Variants in CDK17 observed in about 807,000 individuals in gnomAD.
CDK17 encodes cyclin-dependent kinase 17.
In CDK17, 24 loss-of-function variants were observed where a neutral mutation model predicts 77.6. The observed-to-expected ratio is 0.31, with a 90% CI of 0.22 to 0.44. The LOEUF is 0.44. Ranked by LOEUF, CDK17 falls within the 20% of genes least tolerant of loss-of-function variation. The probability of loss-of-function intolerance (pLI) is 1.00; values close to 1 mark genes in which losing one functional copy is unlikely to be tolerated. For missense variants in CDK17, 429 were observed against 622.5 expected, an observed-to-expected ratio of 0.69 and a Z score of 3.31; for synonymous variants, 203 against 210.4, an observed-to-expected ratio of 0.96 and a Z score of 0.30.
chr12:96,305,620 C>A (rs1952567048), intron 5 of CDK17, among the ~76,000 whole-genome samples: 1 of 152,090 alleles, frequency 6.6e-6, no homozygotes, highest in African/African-American at 2.4e-5. Context: ...AGGGGGACAA[C>A]TTCTCAAGAT....
intron 1 of CDK17, among the ~76,000 whole-genome samples, chr12:96,343,390 C>A (rs891099328): frequency 3.9e-5 from 6 of 152,134 alleles, no homozygotes; most frequent in Admixed American, 3.9e-4. Context: ...CTTATTAGTG[C>A]CATAGCAGGC....
chr12:96,325,752 C>T (rs988492807), intron 2 of CDK17, among the ~76,000 whole-genome samples: 1 of 152,166 alleles, frequency 6.6e-6, no homozygotes. Context: ...ATTTGGGGAT[C>T]TTAAGTGAAG....
intron 1 of CDK17, among the ~76,000 whole-genome samples, chr12:96,337,006 T>C (rs1953050724): frequency 6.6e-6 from 1 of 152,238 alleles, no homozygotes; most frequent in Non-Finnish European, 1.5e-5. Context: ...AGTTATCATA[T>C]GCATATGTAT....
chr12:96,368,159 A>G (rs1953618690), intron 1 of CDK17, among the ~76,000 whole-genome samples: 1 of 152,224 alleles, frequency 6.6e-6, no homozygotes, highest in Non-Finnish European at 1.5e-5. Context: ...TCAACACAGA[A>G]CAGTAGATTA....
chr12:96,359,035 T>C (rs986602527), intron 1 of CDK17, among the ~76,000 whole-genome samples: 3 of 151,838 alleles, frequency 2.0e-5, no homozygotes, highest in East Asian at 1.9e-4. Flanking sequence ...AGGTATAAAA[T>C]TTGATGTCAT....
chr12:96,347,600 GGGGAAGGGAGGGGAAGGGAGGGGAA>G (rs1393058212), intron 1 of CDK17, among the ~76,000 whole-genome samples: 2 of 19,716 alleles, frequency 1.0e-4, no homozygotes, highest in Non-Finnish European at 2.2e-4. Flanking sequence ...GGGGAAGGGA[GGGGAAGGGAGGGGAAGGGAGGGGAA>G]GGGAGGGGAG....
At chr12:96,292,929 G>A (rs1459710783) in intron 10 of CDK17, among the ~76,000 whole-genome samples, 6 of 152,004 alleles carry the variant, frequency 3.9e-5, no homozygotes, top group Admixed American at 1.3e-4. Flanking sequence ...TTAAGGGAAC[G>A]CCTTTCAGTA....
At chr12:96,389,131 A>ATTTTT (rs200539111) in intron 1 of CDK17, among the ~76,000 whole-genome samples, 19 of 142,590 alleles carry the variant, frequency 1.3e-4, no homozygotes, top group African/African-American at 4.6e-4. Flanking sequence ...TGCTCAACTA[A>ATTTTT]TTTTTTTTTT....
chr12:96,332,056 C>T (rs1035737876), intron 2 of CDK17, among the ~76,000 whole-genome samples: 4 of 152,192 alleles, frequency 2.6e-5, no homozygotes, highest in Non-Finnish European at 4.4e-5. Flanking sequence ...AACATAGTAG[C>T]ACAATGCATT....
intron 1 of CDK17, among the ~76,000 whole-genome samples, chr12:96,358,457 C>T (rs1953439852): frequency 7.1e-6 from 1 of 140,426 alleles, no homozygotes; most frequent in African/African-American, 2.7e-5. Flanking sequence ...GATTTTAAGA[C>T]AGTAAAATGT....
At chr12:96,351,916 C>G (rs894519233) in intron 1 of CDK17, among the ~76,000 whole-genome samples, 6 of 152,096 alleles carry the variant, frequency 3.9e-5, no homozygotes, top group African/African-American at 1.2e-4. Flanking sequence ...CCCAGCTTAA[C>G]AGTAAGAATG....
intron 4 of CDK17, 70 bp downstream of exon 4, chr12:96,313,251 G>T: frequency 8.0e-7 from 1 of 1,248,654 alleles, no homozygotes; most frequent in Non-Finnish European, 1.1e-6. Flanking sequence ...TACTCCACTT[G>T]ATATGTATGT....
chr12:96,280,561 G>A (rs1952163708), intron 16 of CDK17: 1 of 1,413,800 alleles, frequency 7.1e-7, no homozygotes, highest in African/African-American at 1.4e-5. Flanking sequence ...CTTGTAAAAG[G>A]TCTTTGTGCC....
chr12:96,348,523 C>CAAAAAAAAAAAAAAAAAAAAAAAAAAAA (rs35363324), intron 1 of CDK17, among the ~76,000 whole-genome samples: 1 of 66,374 alleles, frequency 1.5e-5, no homozygotes, highest in Non-Finnish European at 2.6e-5. Flanking sequence ...GACTCTGTCT[C>CAAAAAAAAAAAAAAAAAAAAAAAAAAAA]AAAAAAAAAA....
At chr12:96,288,200 A>G (rs1952271061) in intron 11 of CDK17, among the ~76,000 whole-genome samples, 1 of 152,228 alleles carries the variant, frequency 6.6e-6, no homozygotes, top group Non-Finnish European at 1.5e-5. Flanking sequence ...GTATTTTACA[A>G]TATTAAAAAT....
At chr12:96,316,190 G>C (rs1952714016) in intron 3 of CDK17, among the ~76,000 whole-genome samples, 1 of 152,120 alleles carries the variant, frequency 6.6e-6, no homozygotes, top group African/African-American at 2.4e-5. Flanking sequence ...AAAGAAAGGG[G>C]TGACGGACGC....
intron 1 of CDK17, among the ~76,000 whole-genome samples, chr12:96,383,678 GACTCTCT>G (rs1319880556): frequency 1.3e-5 from 2 of 152,214 alleles, no homozygotes; most frequent in East Asian, 3.9e-4. Flanking sequence ...ACGGGAGAAG[GACTCTCT>G]ATTCAATAAA....
chr12:96,286,016 C>G, intron 13 of CDK17, 27 bp downstream of exon 13: 1 of 1,109,130 alleles, frequency 9.0e-7, no homozygotes, highest in Non-Finnish European at 1.4e-6. Flanking sequence ...TGTGTTTTCC[C>G]CCCTTTCACA....
chr12:96,359,320 A>G (rs933005218), intron 1 of CDK17, among the ~76,000 whole-genome samples: 1 of 152,238 alleles, frequency 6.6e-6, no homozygotes, highest in Non-Finnish European at 1.5e-5. Context: ...ATTAATTAAT[A>G]CCAACTGTAG....
Sources: allele counts gnomAD v4.1 joint callset (sites outside exome capture counted in the v4.1 genomes callset), GRCh38; gene constraint gnomAD v4.1.1; transcripts MANE v1.5; gene names NCBI Gene and HGNC (gene_info 2026-07-23, HGNC 2026-07-21).